The following SATB2 variants were observed in gnomAD, a reference collection of about 807,000 sequenced individuals.
SATB2 encodes the protein SATB homeobox 2, also known as DNA-binding protein SATB2.
Under a neutral mutation model 73.4 loss-of-function variants are expected in SATB2, and 1 was observed. The observed-to-expected ratio is 0.01, with a 90% CI of 0.00 to 0.06. The LOEUF (loss-of-function observed/expected upper bound fraction) is 0.06. Ranked by LOEUF, SATB2 falls within the 10% of genes least tolerant of loss-of-function variation. The probability of loss-of-function intolerance (pLI) is 1.00; values close to 1 mark genes in which losing one functional copy is unlikely to be tolerated. For synonymous variants in SATB2, 397 were observed against 367.0 expected, an observed-to-expected ratio of 1.08 and a Z score of -0.93; for missense variants, 459 against 945.8, an observed-to-expected ratio of 0.49 and a Z score of 6.75.
At chr2:199,352,045 G>A (rs1688833737) in intron 6 of SATB2, among the ~76,000 whole-genome samples, 1 of 152,072 alleles carries the variant, frequency 6.6e-6, no homozygotes, top group Non-Finnish European at 1.5e-5. Flanking sequence ...ACTAATTTTT[G>A]TATTTTTAGT....
chr2:199,312,784 G>A (rs1179756219), intron 9 of SATB2, among the ~76,000 whole-genome samples: 1 of 152,142 alleles, frequency 6.6e-6, no homozygotes, highest in African/African-American at 2.4e-5. Context: ...CGAATGCTCT[G>A]ATATAATGTA....
intron 2 of SATB2, among the ~76,000 whole-genome samples, chr2:199,434,296 AG>A (rs1691589834): frequency 6.6e-6 from 1 of 152,188 alleles, no homozygotes; most frequent in South Asian, 2.1e-4. Context: ...GTGTTTTCAG[AG>A]AAAATAAGTA....
At chr2:199,279,721 C>T (rs1692424343) in intron 10 of SATB2, among the ~76,000 whole-genome samples, 1 of 152,114 alleles carries the variant, frequency 6.6e-6, no homozygotes, top group Admixed American at 6.5e-5. Flanking sequence ...GACTTTTATC[C>T]ACGTTTATTT....
chr2:199,447,929 T>A (rs1287572545), intron 2 of SATB2, among the ~76,000 whole-genome samples: 1 of 37,036 alleles, frequency 2.7e-5, no homozygotes, highest in East Asian at 4.5e-4. Context: ...ATATTGCATC[T>A]TCTGACTGTA....
intron 3 of SATB2, among the ~76,000 whole-genome samples, chr2:199,402,038 G>C (rs1559032570): frequency 6.6e-6 from 1 of 152,078 alleles, no homozygotes; most frequent in Admixed American, 6.6e-5. Flanking sequence ...ACCTGGACCA[G>C]GTAGAAGCAG....
chr2:199,468,703 G>A (rs1266122041), upstream of SATB2, among the ~76,000 whole-genome samples: 2 of 152,200 alleles, frequency 1.3e-5, no homozygotes, highest in Non-Finnish European at 2.9e-5. Flanking sequence ...TGGCAGTTGC[G>A]GCTGACTGCT....
At chr2:199,399,630 C>G (rs1690411036) in intron 3 of SATB2, among the ~76,000 whole-genome samples, 1 of 152,188 alleles carries the variant, frequency 6.6e-6, no homozygotes, top group Non-Finnish European at 1.5e-5. Context: ...TTGCTGGCAT[C>G]TGCTCAGCTT....
chr2:199,346,860 T>TTTTTTTAAC (rs1324488056), intron 7 of SATB2: 3 of 16,352 alleles, frequency 1.8e-4, no homozygotes, highest in Non-Finnish European at 4.2e-4. Context: ...TCACTTAACT[T>TTTTTTTAAC]TTTTTTTTTT....
intron 6 of SATB2, among the ~76,000 whole-genome samples, chr2:199,359,881 C>T (rs1247702224): frequency 6.6e-6 from 1 of 152,164 alleles, no homozygotes; most frequent in Non-Finnish European, 1.5e-5. Flanking sequence ...AGATTCATGT[C>T]TATTCCCTTG....
chr2:199,307,757 A>G (rs1462160355), intron 10 of SATB2, among the ~76,000 whole-genome samples: 1 of 152,182 alleles, frequency 6.6e-6, no homozygotes, highest in African/African-American at 2.4e-5. Context: ...GGGGGAGGGA[A>G]GGGAAAGGAG....
chr2:199,465,804 C>T (rs1331238353), upstream of SATB2, among the ~76,000 whole-genome samples: 2 of 152,158 alleles, frequency 1.3e-5, no homozygotes, highest in African/African-American at 4.8e-5. Context: ...TTTACCTGAA[C>T]TTAAATTCCT....
At chr2:199,385,735 A>G (rs1469316759) in intron 3 of SATB2, among the ~76,000 whole-genome samples, 1 of 152,196 alleles carries the variant, frequency 6.6e-6, no homozygotes, top group African/African-American at 2.4e-5. Flanking sequence ...AACTAGAAGA[A>G]AAGACTGGTT....
At chr2:199,403,753 T>C (rs575979082) in intron 3 of SATB2, among the ~76,000 whole-genome samples, 71 of 152,196 alleles carry the variant, frequency 4.7e-4, no homozygotes, top group Non-Finnish European at 7.9e-4. Context: ...TAATGTTGCC[T>C]AAAAGGATAT....
intron 7 of SATB2, among the ~76,000 whole-genome samples, chr2:199,340,557 C>T (rs1688474144): frequency 6.6e-6 from 1 of 152,142 alleles, no homozygotes; most frequent in African/African-American, 2.4e-5. Context: ...CAAAATGAGC[C>T]TGAAACTTTC....
intron 6 of SATB2, among the ~76,000 whole-genome samples, chr2:199,352,571 C>A (rs1688850664): frequency 6.6e-6 from 1 of 152,136 alleles, no homozygotes; most frequent in African/African-American, 2.4e-5. Flanking sequence ...GACATAGCAA[C>A]ATATTACATC....
At chr2:199,346,307 G>A (rs1172691363) in intron 7 of SATB2, among the ~76,000 whole-genome samples, 1 of 151,760 alleles carries the variant, frequency 6.6e-6, no homozygotes, top group African/African-American at 2.4e-5. Flanking sequence ...ACGCCACCAC[G>A]CCCAGCTAAT....
intron 3 of SATB2, among the ~76,000 whole-genome samples, chr2:199,415,080 C>T (rs1245597513): frequency 6.6e-6 from 1 of 152,214 alleles, no homozygotes; most frequent in East Asian, 1.9e-4. Flanking sequence ...AATTTAAATA[C>T]AACCTAAAAC....
At chr2:199,312,657 T>C (rs565997006) in intron 9 of SATB2, among the ~76,000 whole-genome samples, 1 of 152,308 alleles carries the variant, frequency 6.6e-6, no homozygotes, top group South Asian at 2.1e-4. Flanking sequence ...ATCTGTTACC[T>C]TGTTATCTGT....
chr2:199,337,913 T>C (rs1417614178), intron 7 of SATB2, among the ~76,000 whole-genome samples: 1 of 152,198 alleles, frequency 6.6e-6, no homozygotes, highest in Non-Finnish European at 1.5e-5. Flanking sequence ...ATTTTTAAAA[T>C]TGCTTTAATT....
Sources: allele counts gnomAD v4.1 joint callset (sites outside exome capture counted in the v4.1 genomes callset), GRCh38; gene constraint gnomAD v4.1.1; transcripts MANE v1.5; gene names NCBI Gene and HGNC (gene_info 2026-07-23, HGNC 2026-07-21).